ADGRB3: variants seen among roughly 807,000 people sequenced by gnomAD.
The protein encoded by ADGRB3 is adhesion G protein-coupled receptor B3, also known as brain-specific angiogenesis inhibitor 3.
ADGRB3 carries 37 observed loss-of-function variants against 193.4 expected under a neutral mutation model. The observed-to-expected ratio is 0.19, with a 90% confidence interval of 0.15 to 0.25. The LOEUF (loss-of-function observed/expected upper bound fraction) is 0.25. ADGRB3 is among the 10% of genes least tolerant of loss of function. The pLI, the probability that ADGRB3 is intolerant of heterozygous loss-of-function variation, is 1.00. For missense variants in ADGRB3, 1,637 were observed against 1,852.9 expected, an observed-to-expected ratio of 0.88 and a Z score of 2.14; for synonymous variants, 690 against 644.2, an observed-to-expected ratio of 1.07 and a Z score of -1.08.
chr6:68,662,771 A>G (rs1357043939), intron 3 of ADGRB3, among the ~76,000 whole-genome samples: 1 of 151,382 alleles, frequency 6.6e-6, no homozygotes, highest in Non-Finnish European at 1.5e-5. Context: ...ATGTTATCCC[A>G]AGAGAATCAT....
chr6:68,887,377 A>G (rs1562072182), intron 3 of ADGRB3, among the ~76,000 whole-genome samples: 1 of 152,080 alleles, frequency 6.6e-6, no homozygotes, highest in Admixed American at 6.6e-5. Flanking sequence ...ACTTGTAGGT[A>G]AACATTATTT....
chr6:69,320,817 A>ATGTGTGTGTGTGTG (rs1491560826), intron 20 of ADGRB3, among the ~76,000 whole-genome samples: 15 of 104,874 alleles, frequency 1.4e-4, no homozygotes, highest in African/African-American at 2.5e-4. Context: ...GTGCTTGTGC[A>ATGTGTGTGTGTGTG]TGTGTGTATG....
At chr6:69,346,469 C>G (rs1020334823) in intron 26 of ADGRB3, among the ~76,000 whole-genome samples, 2 of 150,704 alleles carry the variant, frequency 1.3e-5, no homozygotes, top group Non-Finnish European at 3.0e-5. Context: ...TGACAGAGGG[C>G]TAATATCCAG....
intron 3 of ADGRB3, among the ~76,000 whole-genome samples, chr6:68,888,660 T>A (rs1338923864): frequency 1.3e-5 from 2 of 151,360 alleles, no homozygotes; most frequent in East Asian, 3.9e-4. Flanking sequence ...TGAGAGATAA[T>A]AAATGCAATG....
At chr6:69,022,602 A>T (rs192318767) in intron 13 of ADGRB3, among the ~76,000 whole-genome samples, 1 of 151,856 alleles carries the variant, frequency 6.6e-6, no homozygotes, top group Admixed American at 6.6e-5. Context: ...CATCCTTCAC[A>T]TCCTTTGTGC....
chr6:68,892,843 A>G (rs1766117783), intron 3 of ADGRB3, among the ~76,000 whole-genome samples: 1 of 152,196 alleles, frequency 6.6e-6, no homozygotes, highest in African/African-American at 2.4e-5. Context: ...CTGAAATAGT[A>G]TCAGTTGAAA....
intron 13 of ADGRB3, 129 bp downstream of exon 13, chr6:69,018,628 A>G: frequency 1.7e-6 from 1 of 600,600 alleles, no homozygotes; most frequent in Non-Finnish European, 2.9e-6. Context: ...ATATATTTCT[A>G]ATACTTGGTA....
chr6:68,955,610 T>C (rs1768049950), intron 6 of ADGRB3, among the ~76,000 whole-genome samples: 1 of 152,098 alleles, frequency 6.6e-6, no homozygotes, highest in Non-Finnish European at 1.5e-5. Flanking sequence ...ACCAACATGG[T>C]AAAACCCTGT....
chr6:69,262,374 G>A lies in ADGRB3; in HGVS notation c.2814+23148G>A, dbSNP rs189781077. 4.6e-5 allele frequency among the ~76,000 whole-genome samples: 7 copies of A among 152,110 alleles called. No individual in the cohort carries two copies. In the East Asian group the frequency reaches 1.3e-3, roughly 29 times the overall value. On this transcript the variant is annotated intron_variant, in intron 20 of 31. Transcript: ENST00000370598. ...GCATGTGAAACTCAAATACTTTTGA[G>A]AAGGAGGTTTTATTTTTTTCTTCAT...
chr6:68,726,241 TCAC>T, intron 3 of ADGRB3, among the ~76,000 whole-genome samples: 1 of 151,618 alleles, frequency 6.6e-6, no homozygotes, highest in African/African-American at 2.4e-5. Context: ...GTGTAAAAAC[TCAC>T]TTATACCAGG....
At chr6:68,983,368 C>G (rs937517968) in intron 10 of ADGRB3, among the ~76,000 whole-genome samples, 30 of 151,238 alleles carry the variant, frequency 2.0e-4, no homozygotes, top group African/African-American at 6.3e-4. Flanking sequence ...GAAGTGTCTT[C>G]ACGGCCATAC....
intron 3 of ADGRB3, among the ~76,000 whole-genome samples, chr6:68,832,356 C>A (rs931558402): frequency 1.3e-5 from 2 of 151,838 alleles, no homozygotes; most frequent in African/African-American, 2.4e-5. Flanking sequence ...AGACACTTAT[C>A]ATTTTTTTCT....
chr6:68,723,101 C>G (rs1425961760), intron 3 of ADGRB3, among the ~76,000 whole-genome samples: 2 of 151,646 alleles, frequency 1.3e-5, no homozygotes, highest in South Asian at 2.1e-4. Flanking sequence ...TCAGTTTGTT[C>G]TGATTTTCTG....
At chr6:69,092,799 A>C (rs1772752384) in intron 17 of ADGRB3, among the ~76,000 whole-genome samples, 1 of 152,182 alleles carries the variant, frequency 6.6e-6, no homozygotes, top group Admixed American at 6.5e-5. Flanking sequence ...GGACGATTAA[A>C]TGTTAGGTGG....
intron 17 of ADGRB3, among the ~76,000 whole-genome samples, chr6:69,136,055 A>G (rs1418874994): frequency 6.6e-6 from 1 of 152,070 alleles, no homozygotes; most frequent in African/African-American, 2.4e-5. Flanking sequence ...GAAAAGCAGT[A>G]GTGTCAGAAA....
At chr6:68,904,116 AGGGAGGGAGGAAGGAAGGAAGGAAG>A (rs1766479567) in intron 3 of ADGRB3, among the ~76,000 whole-genome samples, 1 of 49,362 alleles carries the variant, frequency 2.0e-5, no homozygotes, top group South Asian at 7.6e-4. Context: ...GAAGGAAGGG[AGGGAGGGAGGAAGGAAGGAAGGAAG>A]GGTGAAAGGG....
At chr6:68,942,386 T>A (rs1767667821) in intron 5 of ADGRB3, among the ~76,000 whole-genome samples, 1 of 152,192 alleles carries the variant, frequency 6.6e-6, no homozygotes, top group Non-Finnish European at 1.5e-5. Flanking sequence ...CTCTCCTTAA[T>A]CATATCTGTG....
chr6:69,118,672 G>A (rs1773599624), intron 17 of ADGRB3, among the ~76,000 whole-genome samples: 1 of 151,348 alleles, frequency 6.6e-6, no homozygotes, highest in Non-Finnish European at 1.5e-5. Context: ...TCGATGTTAA[G>A]GGAGTCAGAT....
chr6:69,096,887 T>G (rs1261687669), intron 17 of ADGRB3, among the ~76,000 whole-genome samples: 1 of 152,224 alleles, frequency 6.6e-6, no homozygotes, highest in Non-Finnish European at 1.5e-5. Context: ...AAGTGAAATG[T>G]GAAGTGAACC....
Sources: allele counts gnomAD v4.1 joint callset (sites outside exome capture counted in the v4.1 genomes callset), GRCh38; gene constraint gnomAD v4.1.1; transcripts MANE v1.5; gene names NCBI Gene and HGNC (gene_info 2026-07-23, HGNC 2026-07-21).